The following EEFSEC variants were observed in gnomAD, a reference collection of about 807,000 sequenced individuals.
EEFSEC encodes the protein selenocysteine-specific elongation factor.
In EEFSEC, 43 loss-of-function variants were observed where a neutral mutation model predicts 42.1. The ratio of observed to expected loss-of-function variants is 1.02; its 90% CI spans 0.80 to 1.32. The LOEUF is 1.32. EEFSEC is among the 40% of genes most tolerant of loss of function. The pLI is 0.00. For missense variants in EEFSEC, 745 were observed against 803.6 expected, an observed-to-expected ratio of 0.93 and a Z score of 0.88; for synonymous variants, 354 against 339.1, an observed-to-expected ratio of 1.04 and a Z score of -0.48.
intron 1 of EEFSEC, among the ~76,000 whole-genome samples, chr3:128,222,954 T>A (rs2065875252): frequency 6.6e-6 from 1 of 152,220 alleles, no homozygotes; most frequent in African/African-American, 2.4e-5. Flanking sequence ...AGGAGATGAC[T>A]CAAGATGGGG....
chr3:128,285,149 A>G (rs2066569755), intron 4 of EEFSEC, among the ~76,000 whole-genome samples: 1 of 152,088 alleles, frequency 6.6e-6, no homozygotes, highest in African/African-American at 2.4e-5. Flanking sequence ...TCAAGTCTTC[A>G]TGATGCCTTG....
At chr3:128,355,609 TAAA>T (rs5852542) in intron 5 of EEFSEC, among the ~76,000 whole-genome samples, 38 of 122,682 alleles carry the variant, frequency 3.1e-4, no homozygotes, top group Non-Finnish European at 3.3e-4. Flanking sequence ...AATGAAGCTG[TAAA>T]AAAAAAAAAA....
At chr3:128,277,871 A>G (rs559446236) in intron 4 of EEFSEC, among the ~76,000 whole-genome samples, 3 of 152,304 alleles carry the variant, frequency 2.0e-5, no homozygotes, top group African/African-American at 7.2e-5. Flanking sequence ...GAGGAGGAAG[A>G]CTTACTAGGA....
intron 4 of EEFSEC, among the ~76,000 whole-genome samples, chr3:128,277,569 C>T (rs2066482014): frequency 6.6e-6 from 1 of 152,244 alleles, no homozygotes; most frequent in African/African-American, 2.4e-5. Context: ...CTGTGAGTGA[C>T]AGCTGTGGCT....
At chr3:128,162,527 C>T (rs1265369773) in intron 1 of EEFSEC, among the ~76,000 whole-genome samples, 1 of 152,242 alleles carries the variant, frequency 6.6e-6, no homozygotes, top group Non-Finnish European at 1.5e-5. Context: ...GCGGCACCTT[C>T]TCTTGGCGCT....
At chr3:128,411,860 G>A (rs1371668562), downstream of EEFSEC, among the ~76,000 whole-genome samples, 1 of 152,268 alleles carries the variant, frequency 6.6e-6, no homozygotes, top group Non-Finnish European at 1.5e-5. Flanking sequence ...TCCTGCCCTG[G>A]CCATGCATGT....
At chr3:128,194,676 C>A (rs1024106279) in intron 1 of EEFSEC, among the ~76,000 whole-genome samples, 2 of 152,018 alleles carry the variant, frequency 1.3e-5, no homozygotes, top group African/African-American at 4.8e-5. Flanking sequence ...TTTGTGCACC[C>A]TTCTTTAAAA....
the EEFSEC span, among the ~76,000 whole-genome samples, chr3:128,422,255 G>A: frequency 6.6e-6 from 1 of 152,216 alleles, no homozygotes; most frequent in African/African-American, 2.4e-5. Context: ...CCAGAAAGCT[G>A]GGCGCAGGCC....
the EEFSEC span, among the ~76,000 whole-genome samples, chr3:128,420,351 G>C: frequency 6.6e-6 from 1 of 152,248 alleles, no homozygotes; most frequent in Non-Finnish European, 1.5e-5. Flanking sequence ...CTTCCTCACT[G>C]CACATGTGAG....
chr3:128,251,310 A>C (rs896818397), intron 2 of EEFSEC, among the ~76,000 whole-genome samples: 2 of 152,168 alleles, frequency 1.3e-5, no homozygotes, highest in Admixed American at 1.3e-4. Flanking sequence ...CTGTATTTTC[A>C]CCTTTTTCCT....
At chr3:128,343,303 C>T (rs1488117113) in intron 5 of EEFSEC, among the ~76,000 whole-genome samples, 1 of 152,168 alleles carries the variant, frequency 6.6e-6, no homozygotes, top group East Asian at 1.9e-4. Context: ...AGCCCCTTCC[C>T]CTCCCTTTCT....
At chr3:128,382,061 C>A (rs1321747824) in intron 6 of EEFSEC, among the ~76,000 whole-genome samples, 1 of 152,172 alleles carries the variant, frequency 6.6e-6, no homozygotes, top group African/African-American at 2.4e-5. Flanking sequence ...TGGCCCCAGG[C>A]AAGGCCCTCT....
chr3:128,254,960 A>G (rs1249490694), intron 2 of EEFSEC, among the ~76,000 whole-genome samples: 1 of 152,190 alleles, frequency 6.6e-6, no homozygotes, highest in East Asian at 1.9e-4. Flanking sequence ...AGGAGAACCA[A>G]TTGGATGCAG....
At chr3:128,275,813 T>C (rs72975309) in intron 4 of EEFSEC, among the ~76,000 whole-genome samples, 10,997 of 152,080 alleles carry the variant, frequency 0.072, 1,057 homozygotes, top group East Asian at 0.37. Flanking sequence ...AGTGGGGTGG[T>C]TCGTAGGTGG....
At chr3:128,411,454 CTCCAGG>C, downstream of EEFSEC, among the ~76,000 whole-genome samples, 1 of 152,366 alleles carries the variant, frequency 6.6e-6, no homozygotes, top group Middle Eastern at 3.4e-3. Flanking sequence ...TGAGTCCAGG[CTCCAGG>C]TTCTTCCAGA....
intron 6 of EEFSEC, among the ~76,000 whole-genome samples, chr3:128,365,812 C>T (rs2067583669): frequency 6.6e-6 from 1 of 152,244 alleles, no homozygotes; most frequent in Non-Finnish European, 1.5e-5. Context: ...CCCTGGAAAG[C>T]ACTTTGCATG....
chr3:128,164,627 A>G (rs1338210155), intron 1 of EEFSEC, among the ~76,000 whole-genome samples: 1 of 152,016 alleles, frequency 6.6e-6, no homozygotes, highest in African/African-American at 2.4e-5. Context: ...GGGAATTGTG[A>G]AGGATGGTTG....
intron 2 of EEFSEC, among the ~76,000 whole-genome samples, chr3:128,248,598 C>G (rs1036188409): frequency 4.6e-5 from 7 of 152,124 alleles, no homozygotes. Context: ...AAAATTATAT[C>G]TTCTTTTTAG....
intron 1 of EEFSEC, among the ~76,000 whole-genome samples, chr3:128,176,910 C>T (rs1204746794): frequency 1.3e-5 from 2 of 151,978 alleles, no homozygotes; most frequent in Non-Finnish European, 2.9e-5. Context: ...CATGACACTC[C>T]ATTGCCAGCT....
Sources: gnomAD v4.1 joint callset for allele counts (sites outside exome capture counted in the v4.1 genomes callset) on GRCh38, gnomAD v4.1.1 for gene constraint, MANE v1.5 for transcripts, NCBI Gene and HGNC (gene_info 2026-07-23, HGNC 2026-07-21) for gene names.